The following CYB561D2 variants were observed in gnomAD, a reference collection of about 807,000 sequenced individuals.
CYB561D2 encodes cytochrome b561 family member D2, also known as transmembrane reductase CYB561D2.
Under a neutral mutation model 20.2 loss-of-function variants are expected in CYB561D2, and 16 were observed. The observed-to-expected ratio is 0.79, with a 90% CI of 0.53 to 1.20. The LOEUF is 1.20. CYB561D2 is among the 50% of genes most tolerant of loss of function. CYB561D2 has a pLI of 0.00. For synonymous variants in CYB561D2, 135 were observed against 128.3 expected (o/e 1.05, Z -0.35); for missense variants, 247 against 270.3 (o/e 0.91, Z 0.60).
Position 50,351,425 on chromosome 3 carries a change from C to A in CYB561D2, c.-9C>A. On this transcript the variant is annotated 5_prime_UTR_variant, in exon 2 of 4. Transcript: ENST00000425346. ...TGCTTTCAGGCTACAACCACTAGCA[C>A]GGCTGACGATGGCCCTTTCTGCGGA... The A allele has an allele frequency of 6.2e-7, 1 of 1,613,012 alleles. No homozygotes were observed. Among genetic ancestry groups the A allele is most frequent in the Non-Finnish European group, 8.5e-7 (1 of 1,179,508 alleles).
chr3:50,351,955 T>TATGG lies in CYB561D2; in HGVS notation c.128-53_128-50dup, dbSNP rs140638768. Reference sequence around the variant, plus strand: ...GTATTCCTCAACCCTTAAGGATTGGTATGGCTGGTTTCTTCTTGCCTCAGC... The same window carrying TATGG: ...GTATTCCTCAACCCTTAAGGATTGGTATGGATGGCTGGTTTCTTCTTGCCTCAGC... On this transcript the variant is annotated intron_variant, in intron 2 of 3. Coordinates refer to ENST00000425346, the MANE Select transcript of CYB561D2 (RefSeq NM_001291284.2). 7,757 of 1,605,780 alleles carry TATGG rather than the reference T, an allele frequency of 4.8e-3. 333 individuals are homozygous for TATGG. The African/African-American group carries it at 0.094, about 19-fold the overall frequency.
At chr3:50,351,226 C>T in intron 1 of CYB561D2, 183 bp from the exon 2 acceptor site, 1 of 645,164 alleles carries the variant, frequency 1.5e-6, no homozygotes, top group Non-Finnish European at 2.5e-6. Flanking sequence ...GACATGGGTA[C>T]ACGTTGACAG....
In CYB561D2 at chr3:50,353,816, T is replaced by A; in HGVS notation, c.*72T>A. On this transcript the variant is annotated 3_prime_UTR_variant, in exon 4 of 4. Coordinates refer to ENST00000425346, the MANE Select transcript of CYB561D2 (RefSeq NM_001291284.2). Reference sequence around the variant, plus strand: ...AGCTGGGCCTAGGGACCTGTTGAACTCTCTCAGCTGAGTCAGGGGACACCT... The same window carrying A: ...AGCTGGGCCTAGGGACCTGTTGAACACTCTCAGCTGAGTCAGGGGACACCT... The A allele has an allele frequency of 6.6e-7, 1 of 1,507,374 alleles. No homozygotes were observed. The highest frequency in any genetic ancestry group is 8.9e-7 in the Non-Finnish European group (1 of 1,125,856). 93.4% of individuals were successfully genotyped at this position (1,507,374 alleles called of 1,614,324 possible).
chr3:50,351,535 G>A lies in CYB561D2; in HGVS notation c.102G>A (p.Val34=), dbSNP rs1241618807. 1 of 1,612,990 alleles carries A rather than the reference G, an allele frequency of 6.2e-7. No homozygotes were observed. The highest frequency in any genetic ancestry group is 1.1e-5 in the South Asian group (1 of 91,008). The change falls in exon 2 of 4, where the codon GTG becomes GTA. Residue 34 remains valine, a synonymous_variant. Coordinates refer to ENST00000425346, the MANE Select transcript of CYB561D2 (RefSeq NM_001291284.2). ...HLVALGFTIF[V]AVLARPGSSL... ...TGGCCCTGGGCTTTACCATCTTTGT[G>A]GCTGTGCTTGCCAGGCCTGGCTCCA...
intron 3 of CYB561D2, 31 bp from the exon 4 acceptor site, chr3:50,353,210 C>G: frequency 6.5e-7 from 1 of 1,534,376 alleles, no homozygotes; most frequent in Non-Finnish European, 8.8e-7. Context: ...GCAGCACCCT[C>G]ACTTGAGCTT....
intron 3 of CYB561D2, among the ~76,000 whole-genome samples, chr3:50,352,684 C>CAAAAAAAA (rs59516380): frequency 2.2e-5 from 1 of 45,702 alleles, no homozygotes; most frequent in Admixed American, 2.3e-4. Flanking sequence ...AGACTATCTC[C>CAAAAAAAA]AAAAAAAAAA....
At chr3:50,351,007 C>T in intron 1 of CYB561D2, 23 bp downstream of exon 1, 2 of 890,242 alleles carry the variant, frequency 2.2e-6, no homozygotes, top group Non-Finnish European at 3.0e-6. Context: ...CGTGGAGGGG[C>T]AGCATGCTGG....
intron 2 of CYB561D2, 147 bp downstream of exon 2, chr3:50,351,707 C>T: frequency 8.3e-7 from 1 of 1,211,630 alleles, no homozygotes; most frequent in Non-Finnish European, 1.1e-6. Flanking sequence ...TAGGTATGGC[C>T]AGGGCACACA....
chr3:50,351,914 G>A (rs956418680), intron 2 of CYB561D2, 95 bp from the exon 3 acceptor site: 7 of 1,483,806 alleles, frequency 4.7e-6, no homozygotes, highest in Non-Finnish European at 6.6e-6. Flanking sequence ...GCACCTCCTT[G>A]GGTGATGGGC....
rs1253970181 is a variant in CYB561D2 at position 50,352,016 on chromosome 3, C to T, written c.135C>T (p.Phe45=). 2 of 1,613,854 alleles carry T rather than the reference C, an allele frequency of 1.2e-6. No homozygotes were observed. The highest frequency in any genetic ancestry group is 1.7e-6 in the Non-Finnish European group (2 of 1,179,952). ...AVLARPGSSL[F]SWHPVLMSLA... is the part of the protein sequence containing the mutation. ...CTCCTCTTCTCATTCCAGGCCTGTT[C>T]TCCTGGCACCCGGTGCTTATGTCTT... The change falls in exon 3 of 4, where the codon TTC becomes TTT. Residue 45 remains phenylalanine, a synonymous_variant. Coordinates refer to ENST00000425346, the MANE Select transcript of CYB561D2 (RefSeq NM_001291284.2).
chr3:50,351,316 G>A, intron 1 of CYB561D2, 93 bp from the exon 2 acceptor site: 1 of 1,360,548 alleles, frequency 7.3e-7, no homozygotes, highest in South Asian at 1.4e-5. Context: ...TAACTTATTG[G>A]AAGAGGGTGG....
rs377349577 is a variant in CYB561D2, at chr3:50,351,399, A to G, written c.-25-10A>G. The G allele has an allele frequency of 5.5e-5, 89 of 1,607,670 alleles. No individual in the cohort carries two copies. In the East Asian group the frequency reaches 1.5e-3, roughly 26 times the overall value. On this transcript the variant is annotated splice_polypyrimidine_tract_variant and intron_variant, in intron 1 of 3. Transcript: ENST00000425346. ...ACCTGAGATCCTGGCCCACGCTACT[A>G]TGCTTTCAGGCTACAACCACTAGCA...
rs750610675 is a variant in CYB561D2, at chr3:50,351,417, C to A, written c.-17C>A. On this transcript the variant is annotated 5_prime_UTR_variant, in exon 2 of 4. Coordinates refer to ENST00000425346, the MANE Select transcript of CYB561D2 (RefSeq NM_001291284.2). Reference sequence around the variant, plus strand: ...CGCTACTATGCTTTCAGGCTACAACCACTAGCACGGCTGACGATGGCCCTT... The same window carrying A: ...CGCTACTATGCTTTCAGGCTACAACAACTAGCACGGCTGACGATGGCCCTT... 1.9e-6 allele frequency: 3 copies of A among 1,612,410 alleles called. No homozygotes were observed. In the Admixed American group the frequency reaches 5.0e-5, roughly 27 times the overall value.
intron 1 of CYB561D2, 132 bp downstream of exon 1, chr3:50,351,116 C>T (rs1289112946): frequency 4.5e-6 from 2 of 447,242 alleles, no homozygotes; most frequent in Non-Finnish European, 7.6e-6. Context: ...TCCCAGCTGG[C>T]TCTACTGCCG....
chr3:50,353,641 G>A lies in CYB561D2; in HGVS notation c.566G>A (p.Gly189Asp). The change falls in exon 4 of 4, where the codon GGT (glycine) becomes GAT (aspartate). Residue 189 changes from glycine to aspartate, a missense_variant. Transcript: ENST00000425346. ...CTCTGGTTCACTGCCTCTGTCACTG[G>A]TGCAGCCTGGTACCTGGCTGTATTA... Reference protein sequence around the residue: ...CSLWFTASVTGAAWYLAVLCP... With the variant: ...CSLWFTASVTDAAWYLAVLCP... 1 of 1,613,666 alleles carries A rather than the reference G, an allele frequency of 6.2e-7. No individual in the cohort carries two copies. Among genetic ancestry groups the A allele is most frequent in the South Asian group, 1.1e-5 (1 of 91,088 alleles).
At position 50,354,011 on chromosome 3, in the gene CYB561D2, T is replaced by TA; in HGVS notation, c.*268dup. On this transcript the variant is annotated 3_prime_UTR_variant, in exon 4 of 4. Transcript: ENST00000425346. ...ACTGCCTCTCCTGCAAGGCAGCTCA[T>TA]ACTTGTACTGTATGTTCAGAAATTT... is the stretch of plus-strand genomic sequence containing the variant. 2.3e-6 allele frequency: 1 copy of TA among 432,642 alleles called. No homozygotes were observed. 26.8% of individuals were successfully genotyped at this position (432,642 alleles called of 1,614,324 possible). A position where few individuals can be genotyped will look rare whatever the true frequency, so the allele number is the denominator to read the frequency against.
intron 3 of CYB561D2, among the ~76,000 whole-genome samples, chr3:50,352,617 C>T (rs1182651478): frequency 2.9e-5 from 4 of 138,334 alleles, no homozygotes; most frequent in Non-Finnish European, 6.0e-5. Context: ...ACCCGGAAGG[C>T]GGAGATTGCA....
chr3:50,351,395 T>A lies in CYB561D2; in HGVS notation c.-25-14T>A. On this transcript the variant is annotated splice_polypyrimidine_tract_variant and intron_variant, in intron 1 of 3. Coordinates refer to ENST00000425346, the MANE Select transcript of CYB561D2 (RefSeq NM_001291284.2). Reference sequence around the variant, plus strand: ...GGGCACCTGAGATCCTGGCCCACGCTACTATGCTTTCAGGCTACAACCACT... The same window carrying A: ...GGGCACCTGAGATCCTGGCCCACGCAACTATGCTTTCAGGCTACAACCACT... 1.2e-6 allele frequency: 2 copies of A among 1,607,012 alleles called. No homozygotes were observed. The highest frequency in any genetic ancestry group is 1.7e-6 in the Non-Finnish European group (2 of 1,175,332).
intron 3 of CYB561D2, 112 bp from the exon 4 acceptor site, chr3:50,353,129 A>G: frequency 1.4e-6 from 2 of 1,438,806 alleles, no homozygotes; most frequent in Middle Eastern, 1.8e-4. Context: ...GGGGAGAGAA[A>G]GAAAAAGGGG....
Sources: gnomAD v4.1 joint callset for allele counts (sites outside exome capture counted in the v4.1 genomes callset) on GRCh38, gnomAD v4.1.1 for gene constraint, MANE v1.5 for transcripts, NCBI Gene and HGNC (gene_info 2026-07-23, HGNC 2026-07-21) for gene names.